SNX19: variants seen among roughly 807,000 people sequenced by gnomAD.
SNX19 encodes sorting nexin-19.
A neutral mutation model predicts 85.2 loss-of-function variants in SNX19; 60 were observed. That is an observed-to-expected ratio of 0.70 (90% CI 0.57 to 0.87). The LOEUF (loss-of-function observed/expected upper bound fraction) is 0.87. SNX19 is among the 40% of genes least tolerant of loss of function. The pLI, the probability that SNX19 is intolerant of heterozygous loss-of-function variation, is 0.00. For missense variants in SNX19, 1,201 were observed against 1,217.8 expected, an observed-to-expected ratio of 0.99 and a Z score of 0.21; for synonymous variants, 520 against 470.0, an observed-to-expected ratio of 1.11 and a Z score of -1.38.
chr11:130,896,171 C>T lies in SNX19; in HGVS notation c.2573+7084G>A, dbSNP rs560352321. Reference sequence around the variant, plus strand: ...TATGTGGGGGTCTTGCAAAAGTATGCGTATTTCTAGAAAAGCTGTGCATAG... The same window carrying T: ...TATGTGGGGGTCTTGCAAAAGTATGTGTATTTCTAGAAAAGCTGTGCATAG... On this transcript the variant is annotated intron_variant, in intron 8 of 10. Coordinates refer to ENST00000265909, the MANE Select transcript of SNX19 (RefSeq NM_014758.3). Among the ~76,000 whole-genome samples the T allele has an allele frequency of 5.5e-4, 84 of 152,208 alleles. 2 individuals carry two copies. Among genetic ancestry groups the T allele is most frequent in the Admixed American group, 1.7e-3 (26 of 15,294 alleles).
chr11:130,905,966 G>T lies in SNX19; in HGVS notation c.2430C>A (p.Ser810Arg). Reference sequence around the variant, plus strand: ...CTCGCCACTCACCTGGATCGCTGTTGCTGGGGTCTTGGGCTGGCACGGCTG... The same window carrying T: ...CTCGCCACTCACCTGGATCGCTGTTTCTGGGGTCTTGGGCTGGCACGGCTG... The part of the protein sequence containing the change: ...SDAAVPAQDP[S>R]NSDPGTETEL... The change falls in exon 7 of 11, where the codon AGC becomes AGA. Residue 810 changes from serine (S) to arginine (R), a missense_variant. Around this residue, in one of 3 missense-constraint regions of SNX19, gnomAD observed 285 missense variants for 295.3 expected, o/e 0.97. Transcript: ENST00000265909. The T allele has an allele frequency of 6.2e-7, 1 of 1,614,208 alleles. No homozygotes were observed. Among genetic ancestry groups the T allele is most frequent in the Middle Eastern group, 1.6e-4 (1 of 6,062 alleles).
chr11:130,879,591 A>G (rs746377779), intron 10 of SNX19, 33 bp downstream of exon 10: 3 of 1,584,792 alleles, frequency 1.9e-6, no homozygotes, highest in South Asian at 2.2e-5. Context: ...GGCTGTAACT[A>G]TGCTGATGTT....
At chr11:130,914,142 T>C (rs563398783) in intron 1 of SNX19, 124 bp downstream of exon 1, 9 of 742,594 alleles carry the variant, frequency 1.2e-5, no homozygotes, top group African/African-American at 8.9e-5. Flanking sequence ...TTCACAGAGA[T>C]AGATGCCTAT....
intron 8 of SNX19, among the ~76,000 whole-genome samples, chr11:130,885,054 A>G (rs529205768): frequency 3.3e-5 from 5 of 152,270 alleles, no homozygotes; most frequent in African/African-American, 1.2e-4. Context: ...ATTTAGAGAT[A>G]TCTCTTTCTA....
chr11:130,905,582 GA>G, intron 7 of SNX19: 2 of 1,233,496 alleles, frequency 1.6e-6, no homozygotes, highest in South Asian at 1.6e-5. Context: ...AAGAAGCCAC[GA>G]AAAAGGCATG....
intron 8 of SNX19, among the ~76,000 whole-genome samples, chr11:130,889,808 G>T (rs1379517003): frequency 1.3e-5 from 2 of 152,130 alleles, no homozygotes. Context: ...AGTTCACCAT[G>T]TGAATAATCA....
rs1281630252 is a variant in SNX19 at position 130,876,137 on chromosome 11, G to A, written c.*2285C>T. 2 of 152,162 alleles carry A rather than the reference G, an allele frequency of 1.3e-5. No homozygotes were observed. Among genetic ancestry groups the A allele is most frequent in the Admixed American group, 6.5e-5 (1 of 15,268 alleles). The allele number at this position is 152,162 out of a possible 1,614,324, so 9.4% of individuals were successfully genotyped here. Reference sequence around the variant, plus strand: ...TTAAATGAATAAAATTTAGTCACGAGTAAATACAAAAAACAAGCAAACAAT... The same window carrying A: ...TTAAATGAATAAAATTTAGTCACGAATAAATACAAAAAACAAGCAAACAAT... On this transcript the variant is annotated 3_prime_UTR_variant, in exon 11 of 11. Coordinates refer to ENST00000265909, the MANE Select transcript of SNX19 (RefSeq NM_014758.3).
At chr11:130,891,951 T>C (rs1137811) in intron 8 of SNX19, among the ~76,000 whole-genome samples, 1 of 151,620 alleles carries the variant, frequency 6.6e-6, no homozygotes. Context: ...AGTGATTCTC[T>C]TGCCTCAGCC....
chr11:130,887,137 A>T (rs1842922050), intron 8 of SNX19, among the ~76,000 whole-genome samples: 2 of 152,212 alleles, frequency 1.3e-5, no homozygotes, highest in Non-Finnish European at 2.9e-5. Context: ...CATTCTCCTA[A>T]ATACCACAAT....
In SNX19 at chr11:130,874,029, T is replaced by TTA. The variant is rs200755497; in HGVS notation, c.*4392_*4393insTA. On this transcript the variant is annotated 3_prime_UTR_variant, in exon 11 of 11. Coordinates refer to ENST00000265909, the MANE Select transcript of SNX19 (RefSeq NM_014758.3). ...AATGAGTCATAAGAGGTTTTTTGTT[T>TTA]TTTTTTTTTTTATTTGGGGTCTCAC... Among the ~76,000 whole-genome samples, 5,175 of 123,776 alleles carry TTA rather than the reference T, an allele frequency of 0.042. 139 individuals are homozygous for TTA. Among genetic ancestry groups the TTA allele is most frequent in the South Asian group, 0.17 (642 of 3,682 alleles). The allele number at this position is 123,776 out of a possible 152,430, so 81.2% of individuals were successfully genotyped here.
At chr11:130,913,923 C>A (rs1301529056) in intron 1 of SNX19, among the ~76,000 whole-genome samples, 1 of 8,564 alleles carries the variant, frequency 1.2e-4, no homozygotes, top group African/African-American at 1.7e-3. Context: ...AATCCAGGGA[C>A]CCCCTCCTTA....
At position 130,911,704 on chromosome 11, in the gene SNX19, C is replaced by G. The variant is rs779185353; in HGVS notation, c.1742G>C (p.Arg581Pro). Residue 581 changes from arginine (R) to proline (P), a missense_variant, in exon 2 of 11, where the codon CGT becomes CCT. By Grantham distance (103) the Arg-to-Pro change is moderately radical. Around this residue, in one of 3 missense-constraint regions of SNX19, gnomAD observed 791 missense variants for 750.9 expected, o/e 1.05. Transcript: ENST00000265909. ...LQQLAYHTVNRRYREFLNLQT... is the reference protein window; with the variant it reads ...LQQLAYHTVNPRYREFLNLQT... Reference sequence around the variant, plus strand: ...CAGATTCAAGAACTCCCGATAGCGACGATTCACAGTGTGGTAGGCCAGCTG... The same window carrying G: ...CAGATTCAAGAACTCCCGATAGCGAGGATTCACAGTGTGGTAGGCCAGCTG... 6.2e-7 allele frequency: 1 copy of G among 1,614,048 alleles called. No individual in the cohort carries two copies. The highest frequency in any genetic ancestry group is 1.3e-5 in the African/African-American group (1 of 74,902).
chr11:130,879,109 T>C (rs1410519762), intron 10 of SNX19, among the ~76,000 whole-genome samples: 1 of 152,250 alleles, frequency 6.6e-6, no homozygotes, highest in Non-Finnish European at 1.5e-5. Context: ...GGTCCCTTTA[T>C]GAAATTCCAA....
At chr11:130,895,017 T>C in intron 8 of SNX19, 1 of 985,370 alleles carries the variant, frequency 1.0e-6, no homozygotes, top group South Asian at 4.7e-5. Flanking sequence ...ATTTCAGATC[T>C]GACTTCAAAG....
chr11:130,913,419 G>A (rs939562169), intron 1 of SNX19, among the ~76,000 whole-genome samples: 15 of 152,128 alleles, frequency 9.9e-5, no homozygotes, highest in East Asian at 3.9e-4. Flanking sequence ...CTTCCATTCC[G>A]TCTTACTTGA....
intron 1 of SNX19, among the ~76,000 whole-genome samples, chr11:130,912,364 G>C (rs775757761): frequency 6.6e-6 from 1 of 152,202 alleles, no homozygotes; most frequent in Non-Finnish European, 1.5e-5. Flanking sequence ...TTGGAGATGT[G>C]ATAAGGGGTC....
In SNX19 at chr11:130,878,540, C is replaced by T; in HGVS notation, c.2861G>A (p.Cys954Tyr). The T allele has an allele frequency of 1.2e-6, 2 of 1,613,312 alleles. No homozygotes were observed. Among genetic ancestry groups the T allele is most frequent in the Middle Eastern group, 1.7e-4 (1 of 6,016 alleles). ...GAATTCCAGGATGATGTCCCCAAGG[C>T]AGTAAATCAAATGCCTGAAACGAAT... is the stretch of plus-strand genomic sequence containing the variant. ...QPLINRHLIY[C>Y]LGDIILEFLD... is the part of the protein sequence containing the mutation. The change falls in exon 11 of 11, where the codon TGC becomes TAC. Residue 954 changes from cysteine (C) to tyrosine (Y), a missense_variant. Transcript: ENST00000265909.
chr11:130,893,473 A>C (rs1944645883), intron 8 of SNX19, among the ~76,000 whole-genome samples: 1 of 152,022 alleles, frequency 6.6e-6, no homozygotes, highest in Non-Finnish European at 1.5e-5. Flanking sequence ...TGTAGAGGAG[A>C]AGGAAAAGTG....
In SNX19 at chr11:130,869,112, A is replaced by G. The variant is rs1050562662; in HGVS notation, c.*9310T>C. On this transcript the variant is annotated 3_prime_UTR_variant, in exon 11 of 11. Coordinates refer to ENST00000265909, the MANE Select transcript of SNX19 (RefSeq NM_014758.3). ...CTGGGAAACAAGACAATCTGCCTCC[A>G]AGGGATTAACAGCCCAGTAGGGAAG... 2.0e-5 allele frequency: 3 copies of G among 152,242 alleles called. No homozygotes were observed. The highest frequency in any genetic ancestry group is 4.4e-5 in the Non-Finnish European group (3 of 68,042). 9.4% of individuals were successfully genotyped at this position (152,242 alleles called of 1,614,324 possible). A position where few individuals can be genotyped will look rare whatever the true frequency, so the allele number is the denominator to read the frequency against.
Sources: allele counts gnomAD v4.1 joint callset (sites outside exome capture counted in the v4.1 genomes callset), GRCh38; gene constraint gnomAD v4.1.1; regional missense constraint gnomAD v4.1.1; transcripts MANE v1.5; gene names NCBI Gene and HGNC (gene_info 2026-07-23, HGNC 2026-07-21).